Variants in EXOC6B observed in about 807,000 individuals in gnomAD.
EXOC6B encodes SEC15 homolog B.
In EXOC6B, 54 loss-of-function variants were observed where a neutral mutation model predicts 113.5. That is an observed-to-expected ratio of 0.48 (90% CI 0.38 to 0.60). The LOEUF is 0.60. EXOC6B is among the 20% of genes least tolerant of loss of function. The pLI, the probability that EXOC6B is intolerant of heterozygous loss-of-function variation, is 0.00. For synonymous variants in EXOC6B, 357 were observed against 339.0 expected, an observed-to-expected ratio of 1.05 and a Z score of -0.58; for missense variants, 797 against 977.5, an observed-to-expected ratio of 0.82 and a Z score of 2.46.
At chr2:72,757,836 G>A (rs2104884796) in intron 1 of EXOC6B, among the ~76,000 whole-genome samples, 1 of 152,084 alleles carries the variant, frequency 6.6e-6, no homozygotes, top group Non-Finnish European at 1.5e-5. Flanking sequence ...ACTTCCTCTT[G>A]TAATTAATCA....
intron 20 of EXOC6B, among the ~76,000 whole-genome samples, chr2:72,200,086 G>A (rs1003777167): frequency 1.9e-4 from 29 of 151,998 alleles, no homozygotes; most frequent in Admixed American, 7.9e-4. Context: ...TAGTAGAAAC[G>A]GGGTTTCACC....
At chr2:72,769,060 C>G (rs1359936101) in intron 1 of EXOC6B, among the ~76,000 whole-genome samples, 1 of 152,192 alleles carries the variant, frequency 6.6e-6, no homozygotes, top group Non-Finnish European at 1.5e-5. Context: ...TGTGAATATA[C>G]TTAATGCCAC....
intron 6 of EXOC6B, among the ~76,000 whole-genome samples, chr2:72,634,006 C>G (rs945512572): frequency 2.0e-5 from 3 of 150,584 alleles, no homozygotes; most frequent in African/African-American, 4.9e-5. Context: ...GAGAGTAGGA[C>G]AACGAAAATA....
At chr2:72,563,337 A>G (rs1703993718) in intron 7 of EXOC6B, among the ~76,000 whole-genome samples, 1 of 152,160 alleles carries the variant, frequency 6.6e-6, no homozygotes, top group Non-Finnish European at 1.5e-5. Context: ...TCCACTAGAT[A>G]CCAATACATA....
intron 16 of EXOC6B, among the ~76,000 whole-genome samples, chr2:72,485,760 A>G (rs780432258): frequency 3.2e-4 from 48 of 152,220 alleles, no homozygotes; most frequent in Non-Finnish European, 5.6e-4. Context: ...GGAGAGAATC[A>G]TATGGTCAAC....
chr2:72,638,940 G>T (rs757887555), intron 6 of EXOC6B, among the ~76,000 whole-genome samples: 2 of 152,156 alleles, frequency 1.3e-5, no homozygotes. Context: ...GCCTGGCCAC[G>T]CCTCCTTGCA....
chr2:72,515,745 T>C, intron 8 of EXOC6B: 1 of 985,690 alleles, frequency 1.0e-6, no homozygotes, highest in East Asian at 1.1e-4. Context: ...AGCTGTGTAC[T>C]GGGTTGAATA....
chr2:72,385,542 G>A (rs890711444), intron 18 of EXOC6B, among the ~76,000 whole-genome samples: 2 of 151,402 alleles, frequency 1.3e-5, no homozygotes, highest in Non-Finnish European at 2.9e-5. Context: ...AAAGCTTCAG[G>A]ACAGCAAAGG....
At chr2:72,759,838 T>C (rs1487088423) in intron 1 of EXOC6B, among the ~76,000 whole-genome samples, 1 of 152,198 alleles carries the variant, frequency 6.6e-6, no homozygotes, top group Non-Finnish European at 1.5e-5. Context: ...CTCACTTCCT[T>C]AAGCCAATAT....
intron 17 of EXOC6B, among the ~76,000 whole-genome samples, chr2:72,473,342 T>A (rs1353313868): frequency 6.6e-6 from 1 of 152,160 alleles, no homozygotes; most frequent in South Asian, 2.1e-4. Flanking sequence ...ATATTTGCTT[T>A]ATGAATCTAG....
At chr2:72,525,297 T>A (rs1294173955) in intron 8 of EXOC6B, among the ~76,000 whole-genome samples, 1 of 151,290 alleles carries the variant, frequency 6.6e-6, no homozygotes, top group Non-Finnish European at 1.5e-5. Context: ...CAGATTCAGT[T>A]TGGCTGGCTC....
intron 6 of EXOC6B, among the ~76,000 whole-genome samples, chr2:72,697,901 C>T (rs554478039): frequency 6.6e-6 from 1 of 152,266 alleles, no homozygotes; most frequent in East Asian, 1.9e-4. Context: ...AGTGTTAAAT[C>T]TAATCATGCC....
chr2:72,588,621 C>T (rs1442753872), intron 6 of EXOC6B, among the ~76,000 whole-genome samples: 1 of 151,888 alleles, frequency 6.6e-6, no homozygotes, highest in Non-Finnish European at 1.5e-5. Context: ...TGTGAATATA[C>T]TTAACACTAC....
chr2:72,392,624 G>C (rs1314816242), intron 18 of EXOC6B, among the ~76,000 whole-genome samples: 2 of 152,070 alleles, frequency 1.3e-5, no homozygotes, highest in African/African-American at 4.8e-5. Flanking sequence ...CCACTTACTA[G>C]CACCTTAGAA....
chr2:72,789,475 T>A (rs1176102543), intron 1 of EXOC6B, among the ~76,000 whole-genome samples: 1 of 152,154 alleles, frequency 6.6e-6, no homozygotes, highest in African/African-American at 2.4e-5. Flanking sequence ...CAACTCTGAG[T>A]CAAATGTGAA....
chr2:72,400,766 C>T (rs530751478), intron 18 of EXOC6B, among the ~76,000 whole-genome samples: 8 of 150,282 alleles, frequency 5.3e-5, no homozygotes, highest in Admixed American at 5.3e-4. Flanking sequence ...GTCAAAATAA[C>T]TATTATTAAA....
intron 6 of EXOC6B, among the ~76,000 whole-genome samples, chr2:72,655,777 T>C (rs576140532): frequency 6.6e-6 from 1 of 152,248 alleles, no homozygotes; most frequent in African/African-American, 2.4e-5. Context: ...GAAAATGCTT[T>C]TCAAATTTAT....
chr2:72,717,831 G>A (rs1379677720), intron 6 of EXOC6B, among the ~76,000 whole-genome samples: 1 of 152,164 alleles, frequency 6.6e-6, no homozygotes, highest in Non-Finnish European at 1.5e-5. Context: ...GTCAAGGGAA[G>A]TATACAAACA....
intron 6 of EXOC6B, among the ~76,000 whole-genome samples, chr2:72,690,455 GA>G (rs1352923797): frequency 3.3e-5 from 5 of 152,030 alleles, no homozygotes; most frequent in African/African-American, 1.2e-4. Context: ...CACTATTCCT[GA>G]AAAGGTTCTC....
Sources: gnomAD v4.1 joint callset for allele counts (sites outside exome capture counted in the v4.1 genomes callset) on GRCh38, gnomAD v4.1.1 for gene constraint, MANE v1.5 for transcripts, NCBI Gene and HGNC (gene_info 2026-07-23, HGNC 2026-07-21) for gene names.